The following ZNF804A variants were observed in gnomAD, a reference collection of about 807,000 sequenced individuals.
The protein encoded by ZNF804A is zinc finger protein 804A.
Under a neutral mutation model 16.5 loss-of-function variants are expected in ZNF804A, and 2 were observed. That is an observed-to-expected ratio of 0.12 (90% CI 0.05 to 0.38). The LOEUF (loss-of-function observed/expected upper bound fraction) is 0.38, where lower values mean the gene tolerates loss of function less well. Ranked by LOEUF, ZNF804A falls within the 10% of genes least tolerant of loss-of-function variation. The probability of loss-of-function intolerance (pLI) is 0.99; values close to 1 mark genes in which losing one functional copy is unlikely to be tolerated. For missense variants in ZNF804A, 1,473 were observed against 1,390.7 expected (o/e 1.06, Z -0.94); for synonymous variants, 534 against 489.6 (o/e 1.09, Z -1.20).
intron 2 of ZNF804A, among the ~76,000 whole-genome samples, chr2:184,904,830 G>A (rs1685244543): frequency 6.6e-6 from 1 of 151,878 alleles, no homozygotes; most frequent in African/African-American, 2.4e-5. Flanking sequence ...ATGATATCCA[G>A]TCATTGTCTT....
At chr2:184,647,915 T>G (rs981685553) in intron 1 of ZNF804A, among the ~76,000 whole-genome samples, 2 of 152,090 alleles carry the variant, frequency 1.3e-5, no homozygotes, top group African/African-American at 4.8e-5. Context: ...AAGTTGAATC[T>G]CACCAAAGGA....
intron 1 of ZNF804A, among the ~76,000 whole-genome samples, chr2:184,727,059 A>G (rs771156535): frequency 1.3e-5 from 2 of 151,560 alleles, no homozygotes; most frequent in Admixed American, 6.6e-5. Flanking sequence ...GCAAAATAAC[A>G]CATAAAACAT....
chr2:184,767,947 G>T (rs902165743), intron 1 of ZNF804A, among the ~76,000 whole-genome samples: 1 of 151,938 alleles, frequency 6.6e-6, no homozygotes, highest in African/African-American at 2.4e-5. Flanking sequence ...TATGTAAGAA[G>T]CAACATTTTA....
chr2:184,614,503 A>G (rs1691288874), intron 1 of ZNF804A, among the ~76,000 whole-genome samples: 1 of 152,234 alleles, frequency 6.6e-6, no homozygotes, highest in African/African-American at 2.4e-5. Context: ...CAGGCAATCT[A>G]CAGAATGGGA....
At chr2:184,826,423 TAGG>T (rs1695169886) in intron 1 of ZNF804A, among the ~76,000 whole-genome samples, 3 of 152,096 alleles carry the variant, frequency 2.0e-5, no homozygotes, top group Admixed American at 2.0e-4. Flanking sequence ...TTTATTCTCT[TAGG>T]AGGTGAATTA....
chr2:184,602,440 C>T (rs902164646), intron 1 of ZNF804A, among the ~76,000 whole-genome samples: 1 of 151,830 alleles, frequency 6.6e-6, no homozygotes, highest in Non-Finnish European at 1.5e-5. Flanking sequence ...GTTTATCTTC[C>T]ATCTAATCTC....
intron 1 of ZNF804A, among the ~76,000 whole-genome samples, chr2:184,630,456 C>A (rs1691587810): frequency 6.6e-6 from 1 of 152,096 alleles, no homozygotes; most frequent in Non-Finnish European, 1.5e-5. Flanking sequence ...TTTCTCCTAA[C>A]CTCTTATTTT....
chr2:184,637,870 A>G (rs889842556), intron 1 of ZNF804A, among the ~76,000 whole-genome samples: 4 of 152,170 alleles, frequency 2.6e-5, no homozygotes, highest in Non-Finnish European at 5.9e-5. Flanking sequence ...CTCACACACA[A>G]AAAATTGAGA....
chr2:184,807,579 A>C (rs573049945), intron 1 of ZNF804A, among the ~76,000 whole-genome samples: 1 of 151,944 alleles, frequency 6.6e-6, no homozygotes, highest in African/African-American at 2.4e-5. Flanking sequence ...ATCTGCAGTG[A>C]TGGAAGAAAA....
rs34114485 is a variant in ZNF804A at position 184,864,875 on chromosome 2, A to ATTTTTTTTTT, written c.112-1480_112-1471dup. The stretch of plus-strand genomic sequence containing the variant: ...TAAGAGACTTGAATATATAGTTAGG[A>ATTTTTTTTTT]TTTTTTTTTTTTTTTTTTTTTTTGA... On this transcript the variant is annotated intron_variant, in intron 1 of 3. Transcript: ENST00000302277. 1.0e-3 allele frequency among the ~76,000 whole-genome samples: 109 copies of ATTTTTTTTTT among 105,460 alleles called. 13 individuals are homozygous for ATTTTTTTTTT. The highest frequency in any genetic ancestry group is 4.4e-3 in the African/African-American group (98 of 22,118). The allele number at this position is 105,460 out of a possible 152,430, so 69.2% of individuals were successfully genotyped here.
intron 1 of ZNF804A, among the ~76,000 whole-genome samples, chr2:184,659,561 T>C (rs1692134508): frequency 6.6e-6 from 1 of 152,070 alleles, no homozygotes; most frequent in Non-Finnish European, 1.5e-5. Flanking sequence ...GATATAGATA[T>C]TATTTTCAGT....
At chr2:184,888,848 C>T (rs545106017) in intron 2 of ZNF804A, among the ~76,000 whole-genome samples, 14 of 152,136 alleles carry the variant, frequency 9.2e-5, no homozygotes, top group Middle Eastern at 3.4e-3. Context: ...TGCTGTTATA[C>T]ACTGATTTTG....
At chr2:184,634,120 G>T (rs1158706560) in intron 1 of ZNF804A, among the ~76,000 whole-genome samples, 1 of 152,164 alleles carries the variant, frequency 6.6e-6, no homozygotes, top group Non-Finnish European at 1.5e-5. Flanking sequence ...CAATATATCA[G>T]TTGCTAGATC....
intron 1 of ZNF804A, among the ~76,000 whole-genome samples, chr2:184,806,314 G>T (rs73980325): frequency 0.09 from 13,612 of 151,342 alleles, 2,041 homozygotes; most frequent in African/African-American, 0.31. Flanking sequence ...TCTTTATTGG[G>T]GATCAATAAT....
At chr2:184,869,120 A>T (rs981665153) in intron 2 of ZNF804A, among the ~76,000 whole-genome samples, 1 of 152,036 alleles carries the variant, frequency 6.6e-6, no homozygotes, top group South Asian at 2.1e-4. Context: ...CCTATAATGC[A>T]GATATCCCAA....
At chr2:184,631,298 G>A (rs977949770) in intron 1 of ZNF804A, among the ~76,000 whole-genome samples, 6 of 152,052 alleles carry the variant, frequency 3.9e-5, no homozygotes, top group African/African-American at 1.4e-4. Flanking sequence ...AAAAATAAAA[G>A]CAATAGTAGA....
intron 1 of ZNF804A, among the ~76,000 whole-genome samples, chr2:184,722,975 C>T (rs1049040442): frequency 9.9e-5 from 15 of 151,872 alleles, no homozygotes; most frequent in Admixed American, 9.2e-4. Flanking sequence ...TTAAGGTAAT[C>T]ATCCAATTTA....
In ZNF804A at chr2:184,693,522, T is replaced by C. The variant is rs114656633; in HGVS notation, c.111+94452T>C. Among the ~76,000 whole-genome samples the C allele has an allele frequency of 2.3e-3, 353 of 152,326 alleles. 1 individual carries two copies. Among genetic ancestry groups the C allele is most frequent in the African/African-American group, 7.8e-3 (324 of 41,580 alleles). ...AGCCCCATTTCAAAATAAGTATTCA[T>C]ATATGCAGGCTATGTTACAGATGGC... On this transcript the variant is annotated intron_variant, in intron 1 of 3. Coordinates refer to ENST00000302277, the MANE Select transcript of ZNF804A (RefSeq NM_194250.2).
rs544045499 is a variant in ZNF804A, at chr2:184,708,963, C to T, written c.111+109893C>T. Among the ~76,000 whole-genome samples, 64 of 152,124 alleles carry T rather than the reference C, an allele frequency of 4.2e-4. No homozygotes were observed. In the Middle Eastern group the frequency reaches 0.01, roughly 24 times the overall value. ...CCCTCGAAACTCCATTGAGCCTCCA[C>T]GTGGCTGCTCTGTTCTTGTCATTCA... On this transcript the variant is annotated intron_variant, in intron 1 of 3. Transcript: ENST00000302277.
Sources: gnomAD v4.1 joint callset for allele counts (sites outside exome capture counted in the v4.1 genomes callset) on GRCh38, gnomAD v4.1.1 for gene constraint, MANE v1.5 for transcripts, NCBI Gene and HGNC (gene_info 2026-07-23, HGNC 2026-07-21) for gene names.